The following PLCD1 variants were observed in gnomAD, a reference collection of about 807,000 sequenced individuals.
PLCD1 encodes the protein 1-phosphatidylinositol 4,5-bisphosphate phosphodiesterase delta-1.
Under a neutral mutation model 87.4 loss-of-function variants are expected in PLCD1, and 71 were observed. The observed-to-expected ratio is 0.81, with a 90% CI of 0.67 to 0.99. PLCD1 has a LOEUF of 0.99. PLCD1 is among the 50% of genes least tolerant of loss of function. The pLI is 0.00. For synonymous variants in PLCD1, 348 were observed against 399.2 expected (o/e 0.87, Z 1.53); for missense variants, 867 against 1,001.5 (o/e 0.87, Z 1.81).
In PLCD1 at chr3:38,008,105, G is replaced by A. The variant is rs367727975; in HGVS notation, c.2094C>T (p.Ala698=). ...AATCTTCCACCAAGAAGCGGATGAGGGCAAGGTCAGGCACAACTACCTCAA... is the reference window on the plus strand; with the variant it reads ...AATCTTCCACCAAGAAGCGGATGAGAGCAAGGTCAGGCACAACTACCTCAA... ...FAFEVVVPDL[A]LIRFLVEDYD... Residue 698 remains alanine (A), a synonymous_variant, in exon 14 of 15, where the codon GCC becomes GCT. Coordinates refer to ENST00000334661, the MANE Select transcript of PLCD1 (RefSeq NM_006225.4). 4.1e-5 allele frequency: 66 copies of A among 1,614,080 alleles called. No homozygotes were observed. The African/African-American group carries it at 6.1e-4, about 15-fold the overall frequency.
intron 3 of PLCD1, among the ~76,000 whole-genome samples, chr3:38,013,492 C>T (rs1056196314): frequency 2.0e-4 from 30 of 152,148 alleles, no homozygotes; most frequent in African/African-American, 6.0e-4. Context: ...GGATTACAGG[C>T]GTGAGCCACT....
intron 1 of PLCD1, 64 bp from the exon 2 acceptor site, chr3:38,020,416 C>T: frequency 5.4e-6 from 8 of 1,495,102 alleles, no homozygotes; most frequent in Non-Finnish European, 7.4e-6. Flanking sequence ...CTAGGCCTCA[C>T]ACTGGCCATG....
intron 11 of PLCD1, 137 bp downstream of exon 11, chr3:38,008,905 T>C (rs1700015018): frequency 1.4e-6 from 1 of 729,012 alleles, no homozygotes; most frequent in Admixed American, 2.1e-5. Flanking sequence ...AGACTGATAT[T>C]ACCAGCTCCA....
chr3:38,011,534 C>T lies in PLCD1; in HGVS notation c.558+10G>A. ...GGACAGGCAGCCCCAGCCCCCACTT[C>T]CTGCCTCACCCTGAAGATCTTCCGG... On this transcript the variant is annotated intron_variant, in intron 4 of 14. Transcript: ENST00000334661. 3 of 1,614,126 alleles carry T rather than the reference C, an allele frequency of 1.9e-6. No individual in the cohort carries two copies. The highest frequency in any genetic ancestry group is 2.5e-6 in the Non-Finnish European group (3 of 1,179,976).
intron 3 of PLCD1, among the ~76,000 whole-genome samples, chr3:38,013,284 C>A (rs1479775184): frequency 1.1e-4 from 17 of 149,970 alleles, no homozygotes; most frequent in Non-Finnish European, 1.5e-5. Flanking sequence ...GCAATCTTGG[C>A]TCACTGCAAG....
chr3:38,019,900 C>T (rs572868456), intron 2 of PLCD1, among the ~76,000 whole-genome samples: 3 of 152,114 alleles, frequency 2.0e-5, no homozygotes, highest in Non-Finnish European at 4.4e-5. Flanking sequence ...TATCCCCATC[C>T]CTCAAAAGCT....
chr3:38,008,570 C>T lies in PLCD1; in HGVS notation c.1790G>A (p.Gly597Glu). ...GGGCTTCAGCACGTACCCACAGGCCCCGTTGTCCTGGAAGCGGCCCTGGTA... is the reference window on the plus strand; with the variant it reads ...GGGCTTCAGCACGTACCCACAGGCCTCGTTGTCCTGGAAGCGGCCCTGGTA... ...DVYQGRFQDN[G>E]ACGYVLKPAF... The change falls in exon 12 of 15, where the codon GGG (glycine) becomes GAG (glutamate). Residue 597 changes from glycine to glutamate, a missense_variant. Physicochemically the swap from Gly to Glu is moderately conservative, Grantham distance 98. Transcript: ENST00000334661. The T allele has an allele frequency of 6.2e-7, 1 of 1,614,210 alleles. No homozygotes were observed. The highest frequency in any genetic ancestry group is 8.5e-7 in the Non-Finnish European group (1 of 1,180,022).
At chr3:38,012,487 T>C (rs1004299350) in intron 3 of PLCD1, among the ~76,000 whole-genome samples, 8 of 151,922 alleles carry the variant, frequency 5.3e-5, no homozygotes, top group Non-Finnish European at 4.4e-5. Context: ...ATATATACAA[T>C]TTGGAAAACA....
chr3:38,019,289 GC>G (rs1255221455), intron 2 of PLCD1, among the ~76,000 whole-genome samples: 1 of 152,170 alleles, frequency 6.6e-6, no homozygotes, highest in Non-Finnish European at 1.5e-5. Flanking sequence ...GCCACCTGGG[GC>G]TATTTAAATA....
At chr3:38,024,481 G>A (rs751060482) in intron 1 of PLCD1, 71 of 1,577,872 alleles carry the variant, frequency 4.5e-5, no homozygotes, top group Non-Finnish European at 5.8e-5. Flanking sequence ...CCGGGGCAGT[G>A]CCGCCTCCAG....
intron 1 of PLCD1, among the ~76,000 whole-genome samples, chr3:38,021,193 G>T (rs773114615): frequency 9.9e-5 from 15 of 152,106 alleles, no homozygotes; most frequent in Non-Finnish European, 1.6e-4. Flanking sequence ...TCTGATCTTT[G>T]CCCCAAGAAG....
At chr3:38,010,669 C>A in intron 5 of PLCD1, 107 bp from the exon 6 acceptor site, 1 of 832,430 alleles carries the variant, frequency 1.2e-6, no homozygotes, top group Non-Finnish European at 1.9e-6. Context: ...GCCTGCCTGT[C>A]CTGAGCCAGT....
chr3:38,011,962 TC>T (rs1700085089), intron 3 of PLCD1, among the ~76,000 whole-genome samples: 1 of 151,996 alleles, frequency 6.6e-6, no homozygotes, highest in Non-Finnish European at 1.5e-5. Context: ...CAAACAAATC[TC>T]CCGTAGTCTA....
At chr3:38,009,197 C>G in intron 10 of PLCD1, 39 bp from the exon 11 acceptor site, 1 of 1,609,624 alleles carries the variant, frequency 6.2e-7, no homozygotes, top group Non-Finnish European at 8.5e-7. Flanking sequence ...TGGAGGCCTC[C>G]TGGTGAGGCC....
rs781781676 is a variant in PLCD1 at position 38,016,493 on chromosome 3, C to T, written c.426G>A (p.Gln142=). Residue 142 remains glutamine, a splice_region_variant and synonymous_variant, in exon 3 of 15, where the codon CAG becomes CAA. Coordinates refer to ENST00000334661, the MANE Select transcript of PLCD1 (RefSeq NM_006225.4). ...ACCCACTGCCACCAAAAGGATACTG[C>T]TGTAGCTTCTGACGCTGGTCCATGG... ...SGSMDQRQKL[Q]HWIHSCLRKA... 2 of 1,608,176 alleles carry T rather than the reference C, an allele frequency of 1.2e-6. No homozygotes were observed. Among genetic ancestry groups the T allele is most frequent in the Admixed American group, 1.7e-5 (1 of 59,942 alleles).
In PLCD1 at chr3:38,025,151, G is replaced by A. The variant is rs1453123769; in HGVS notation, c.34+4355C>T. Among the ~76,000 whole-genome samples, 2 of 152,214 alleles carry A rather than the reference G, an allele frequency of 1.3e-5. No homozygotes were observed. Among genetic ancestry groups the A allele is most frequent in the Non-Finnish European group, 2.9e-5 (2 of 68,042 alleles). ...AGCCCGGGGGCGGGGCCAGGGCCCA[G>A]GAGGCGAGCCTGGGAGGATCCCGCA... On this transcript the variant is annotated intron_variant, in intron 1 of 14. Coordinates refer to ENST00000334661, the MANE Select transcript of PLCD1 (RefSeq NM_006225.4). This position sits in a 1 kb window ranked among gnomAD's most constrained non-coding sequence, Gnocchi z 4.0.
chr3:38,024,312 T>C (rs1354150612), intron 1 of PLCD1: 2 of 1,594,956 alleles, frequency 1.3e-6, no homozygotes, highest in East Asian at 4.5e-5. Flanking sequence ...CCCCCGCAGA[T>C]CTCGGAGTGC....
intron 3 of PLCD1, chr3:38,014,653 C>G (rs1559374425): frequency 6.5e-6 from 1 of 153,536 alleles, no homozygotes; most frequent in Non-Finnish European, 1.5e-5. Flanking sequence ...CTCACTGTTT[C>G]ACTTTTCTAG....
chr3:38,011,263 C>A lies in PLCD1; in HGVS notation c.741G>T (p.Gly247=), dbSNP rs1379695873. 1.9e-6 allele frequency: 3 copies of A among 1,611,590 alleles called. No individual in the cohort carries two copies. Among genetic ancestry groups the A allele is most frequent in the Non-Finnish European group, 2.5e-6 (3 of 1,180,004 alleles). The change falls in exon 5 of 15, where the codon GGG becomes GGT. Residue 247 remains glycine, a synonymous_variant. Transcript: ENST00000334661. Reference sequence around the variant, plus strand: ...CAATGAGGGAGAGGGCCAGCGCAGGCCCTGCCGCCTCCTCCCGCTGCTGGT... The same window carrying A: ...CAATGAGGGAGAGGGCCAGCGCAGGACCTGCCGCCTCCTCCCGCTGCTGGT... ...LQHQQREEAA[G]PALALSLIER...
Sources: allele counts gnomAD v4.1 joint callset (sites outside exome capture counted in the v4.1 genomes callset), GRCh38; gene constraint gnomAD v4.1.1; non-coding constraint Gnocchi (gnomAD v3.1); transcripts MANE v1.5; gene names NCBI Gene and HGNC (gene_info 2026-07-23, HGNC 2026-07-21).